NRXN1: variants seen among roughly 807,000 people sequenced by gnomAD.
NRXN1 encodes the protein neurexin 1.
NRXN1 carries 39 observed loss-of-function variants against 150.9 expected under a neutral mutation model. The observed-to-expected ratio is 0.26, with a 90% CI of 0.20 to 0.34. The LOEUF is 0.34. NRXN1 is among the 10% of genes least tolerant of loss of function. The pLI is 1.00. For synonymous variants in NRXN1, 924 were observed against 757.0 expected (o/e 1.22, Z -3.62); for missense variants, 1,815 against 1,949.9 (o/e 0.93, Z 1.30).
chr2:50,348,111 G>C (rs936280939), intron 17 of NRXN1, among the ~76,000 whole-genome samples: 1 of 152,154 alleles, frequency 6.6e-6, no homozygotes, highest in Non-Finnish European at 1.5e-5. Context: ...CTTTTTATTG[G>C]ACCAAACTTG....
chr2:50,767,650 A>G (rs943004482), intron 5 of NRXN1, among the ~76,000 whole-genome samples: 1 of 152,106 alleles, frequency 6.6e-6, no homozygotes, highest in African/African-American at 2.4e-5. Context: ...TTATAATGCA[A>G]TGGTAAATAC....
At chr2:50,569,980 T>C (rs1470235607) in intron 8 of NRXN1, among the ~76,000 whole-genome samples, 1 of 152,208 alleles carries the variant, frequency 6.6e-6, no homozygotes, top group Non-Finnish European at 1.5e-5. Flanking sequence ...CTAATACGGA[T>C]GCTCTCAAGT....
intron 21 of NRXN1, among the ~76,000 whole-genome samples, chr2:50,003,005 G>A (rs1684189527): frequency 1.3e-5 from 2 of 152,112 alleles, no homozygotes; most frequent in Non-Finnish European, 2.9e-5. Context: ...GTATGAACCT[G>A]CTTATGATTT....
chr2:50,676,505 T>C (rs1304760101), intron 5 of NRXN1, among the ~76,000 whole-genome samples: 1 of 152,190 alleles, frequency 6.6e-6, no homozygotes, highest in Non-Finnish European at 1.5e-5. Flanking sequence ...TGACTACTTA[T>C]TCTCTTGGAG....
At chr2:49,956,194 T>C (rs1350285062) in intron 21 of NRXN1, among the ~76,000 whole-genome samples, 1 of 151,990 alleles carries the variant, frequency 6.6e-6, no homozygotes, top group Non-Finnish European at 1.5e-5. Context: ...TAGAAGTAAT[T>C]TGATAGGAAA....
intron 17 of NRXN1, among the ~76,000 whole-genome samples, chr2:50,447,740 TATATA>T (rs1558748240): frequency 0.015 from 1,193 of 81,120 alleles, 215 homozygotes; most frequent in African/African-American, 0.064. Context: ...GGGAACGTTA[TATATA>T]TATATATATA....
chr2:50,317,477 A>G (rs1244158789), intron 17 of NRXN1, among the ~76,000 whole-genome samples: 1 of 152,008 alleles, frequency 6.6e-6, no homozygotes, highest in East Asian at 1.9e-4. Flanking sequence ...TCTCCAAAAT[A>G]TAAGAGACAA....
chr2:50,210,964 T>C (rs2152843722), intron 18 of NRXN1, among the ~76,000 whole-genome samples: 1 of 151,902 alleles, frequency 6.6e-6, no homozygotes. Flanking sequence ...GGATAGTTAC[T>C]AGAAATTCCC....
intron 17 of NRXN1, 90 bp downstream of exon 17, chr2:50,465,352 A>T: frequency 7.7e-7 from 1 of 1,293,910 alleles, no homozygotes; most frequent in Non-Finnish European, 1.0e-6. Context: ...ACTCAGAGTT[A>T]ATATAAGGAC....
At chr2:50,046,786 C>A (rs1691874023) in intron 21 of NRXN1, among the ~76,000 whole-genome samples, 1 of 152,154 alleles carries the variant, frequency 6.6e-6, no homozygotes, top group African/African-American at 2.4e-5. Flanking sequence ...AGTGCCCCAA[C>A]ATCCCACACA....
At chr2:50,192,901 G>A (rs1283275796) in intron 18 of NRXN1, among the ~76,000 whole-genome samples, 1 of 152,166 alleles carries the variant, frequency 6.6e-6, no homozygotes, top group Non-Finnish European at 1.5e-5. Flanking sequence ...ACAGGCGTGA[G>A]CCACCCGCCC....
Position 49,978,436 on chromosome 2 carries a change from G to C in NRXN1, c.4129-34645C>G, listed in dbSNP as rs943596414. Among the ~76,000 whole-genome samples, 3 of 152,028 alleles carry C rather than the reference G, an allele frequency of 2.0e-5. No individual in the cohort carries two copies. The East Asian group carries it at 5.8e-4, about 29-fold the overall frequency. On this transcript the variant is annotated intron_variant, in intron 21 of 22. Transcript: ENST00000401669. ...ACGAAGTGTCTCTATCCATAGATAA[G>C]GTTTCTGAAAACAGAGTTCTAAGGA...
intron 18 of NRXN1, among the ~76,000 whole-genome samples, chr2:50,094,107 G>T (rs756076137): frequency 5.9e-5 from 9 of 152,174 alleles, no homozygotes; most frequent in Non-Finnish European, 1.3e-4. Context: ...TAAATTGTAA[G>T]CAACTGATAT....
At chr2:50,205,344 G>C (rs1242592771) in intron 18 of NRXN1, among the ~76,000 whole-genome samples, 1 of 152,016 alleles carries the variant, frequency 6.6e-6, no homozygotes, top group African/African-American at 2.4e-5. Context: ...GATGATTACT[G>C]AAATATTTTC....
chr2:49,945,462 C>T (rs139092889), intron 21 of NRXN1, among the ~76,000 whole-genome samples: 12 of 151,102 alleles, frequency 7.9e-5, no homozygotes, highest in African/African-American at 2.2e-4. Flanking sequence ...TATGTATACA[C>T]GTGCCATGGT....
rs1703298470 is a variant in NRXN1, at chr2:50,773,892, A to G, written c.832+147977T>C. 2.0e-5 allele frequency among the ~76,000 whole-genome samples: 3 copies of G among 152,132 alleles called. No individual in the cohort carries two copies. The South Asian group carries it at 6.2e-4, about 31-fold the overall frequency. ...TCTTTCACTTTTTCATTCACCCACA[A>G]GCAACACAAGGACTGCAACAGAACA... On this transcript the variant is annotated intron_variant, in intron 5 of 22. Transcript: ENST00000401669.
intron 2 of NRXN1, among the ~76,000 whole-genome samples, chr2:50,992,885 C>G (rs564960724): frequency 6.6e-6 from 1 of 152,018 alleles, no homozygotes; most frequent in African/African-American, 2.4e-5. Flanking sequence ...AATGCAACTA[C>G]ATATCTTTGG....
At chr2:50,595,651 T>C (rs979409418) in intron 8 of NRXN1, among the ~76,000 whole-genome samples, 16 of 152,142 alleles carry the variant, frequency 1.1e-4, no homozygotes, top group Non-Finnish European at 1.8e-4. Flanking sequence ...CCAGGAAGAA[T>C]GATTCCAGGA....
At chr2:50,399,132 AG>A (rs1436027973) in intron 17 of NRXN1, among the ~76,000 whole-genome samples, 3 of 152,068 alleles carry the variant, frequency 2.0e-5, no homozygotes, top group Non-Finnish European at 2.9e-5. Flanking sequence ...TAGATTTTAA[AG>A]GGTTGAGTTT....
Sources: gnomAD v4.1 joint callset for allele counts (sites outside exome capture counted in the v4.1 genomes callset) on GRCh38, gnomAD v4.1.1 for gene constraint, MANE v1.5 for transcripts, NCBI Gene and HGNC (gene_info 2026-07-23, HGNC 2026-07-21) for gene names.